CCDC91: variants seen among roughly 807,000 people sequenced by gnomAD.
The protein encoded by CCDC91 is coiled-coil domain containing 91.
CCDC91 carries 48 observed loss-of-function variants against 63.2 expected under a neutral mutation model. The observed-to-expected ratio is 0.76, with a 90% CI of 0.60 to 0.97. The LOEUF is 0.97. Ranked by LOEUF, CCDC91 falls within the 50% of genes least tolerant of loss-of-function variation. CCDC91 has a pLI of 0.00. For synonymous variants in CCDC91, 167 were observed against 165.8 expected, an observed-to-expected ratio of 1.01 and a Z score of -0.06; for missense variants, 500 against 494.6, an observed-to-expected ratio of 1.01 and a Z score of -0.10.
chr12:28,384,948 T>TAAGAC lies in CCDC91; in HGVS notation c.655-6354_655-6350dup, dbSNP rs1444113853. 3.9e-5 allele frequency among the ~76,000 whole-genome samples: 6 copies of TAAGAC among 152,188 alleles called. No homozygotes were observed. In the South Asian group the frequency reaches 1.2e-3, roughly 32 times the overall value. ...TGTTTGCAGTTTTGAGGGGATATGA[T>TAAGAC]AAGACATGCTAACAATTTAATATCC... On this transcript the variant is annotated intron_variant, in intron 7 of 12. Transcript: ENST00000536442.
intron 12 of CCDC91, among the ~76,000 whole-genome samples, chr12:28,501,690 T>C (rs546105758): frequency 0.038 from 5,773 of 151,788 alleles, 354 homozygotes; most frequent in African/African-American, 0.13. Flanking sequence ...TGTCTCTGCC[T>C]GGCTTTGGTA....
chr12:28,262,274 A>C (rs1306378654), intron 3 of CCDC91, among the ~76,000 whole-genome samples: 1 of 152,098 alleles, frequency 6.6e-6, no homozygotes, highest in African/African-American at 2.4e-5. Context: ...TATTTTAAAA[A>C]GACATGATGA....
At chr12:28,380,550 C>T (rs1260060270) in intron 7 of CCDC91, among the ~76,000 whole-genome samples, 1 of 152,070 alleles carries the variant, frequency 6.6e-6, no homozygotes, top group Non-Finnish European at 1.5e-5. Flanking sequence ...ATAACAAATT[C>T]AGGCCACTGT....
chr12:28,517,032 T>A (rs1338066738), intron 12 of CCDC91, among the ~76,000 whole-genome samples: 1 of 151,978 alleles, frequency 6.6e-6, no homozygotes, highest in African/African-American at 2.4e-5. Flanking sequence ...GTCAATACCC[T>A]ATACATTCAG....
intron 11 of CCDC91, among the ~76,000 whole-genome samples, chr12:28,458,945 G>A (rs1467644825): frequency 6.6e-6 from 1 of 151,978 alleles, no homozygotes; most frequent in African/African-American, 2.4e-5. Context: ...CCTCCCTGTA[G>A]CCTATAAGAT....
intron 12 of CCDC91, among the ~76,000 whole-genome samples, chr12:28,497,395 A>C (rs1952362724): frequency 6.6e-6 from 1 of 151,632 alleles, no homozygotes; most frequent in Non-Finnish European, 1.5e-5. Context: ...TTTCCATCTT[A>C]ACTTTGTAAT....
intron 12 of CCDC91, among the ~76,000 whole-genome samples, chr12:28,508,533 A>G (rs1372054599): frequency 1.3e-5 from 2 of 151,904 alleles, no homozygotes; most frequent in South Asian, 2.1e-4. Context: ...GATGCCAATC[A>G]TAATTTTACT....
intron 11 of CCDC91, among the ~76,000 whole-genome samples, chr12:28,456,437 T>TA (rs1327253265): frequency 6.6e-6 from 1 of 152,132 alleles, no homozygotes; most frequent in African/African-American, 2.4e-5. Context: ...TAAGTCAATT[T>TA]ATATGAAATT....
rs575209828 is a variant in CCDC91, at chr12:28,391,255, A to G, written c.655-49A>G. 7 of 1,090,210 alleles carry G rather than the reference A, an allele frequency of 6.4e-6. No individual in the cohort carries two copies. In the African/African-American group the frequency reaches 1.1e-4, roughly 17 times the overall value. The allele number at this position is 1,090,210 out of a possible 1,614,324, so 67.5% of individuals were successfully genotyped here. On this transcript the variant is annotated intron_variant, in intron 7 of 12. Coordinates refer to ENST00000536442, the MANE Select transcript of CCDC91 (RefSeq NM_018318.5). ...AAAAATATTCTCGTGCCAACAGTAG[A>G]TTCCCAAGTTTTGTCTGTGATCCAA...
At chr12:28,198,665 CTT>C (rs750413757) in intron 1 of CCDC91, among the ~76,000 whole-genome samples, 6 of 152,098 alleles carry the variant, frequency 3.9e-5, no homozygotes, top group Non-Finnish European at 8.8e-5. Context: ...AGTTTTATCT[CTT>C]GTTGGTTATG....
intron 3 of CCDC91, among the ~76,000 whole-genome samples, chr12:28,305,053 T>C (rs1483002763): frequency 1.3e-5 from 2 of 152,154 alleles, no homozygotes; most frequent in Non-Finnish European, 1.5e-5. Context: ...GAAAAACCTT[T>C]TGTTTGTTAC....
At chr12:28,402,510 A>C (rs1396793292) in intron 8 of CCDC91, among the ~76,000 whole-genome samples, 1 of 113,434 alleles carries the variant, frequency 8.8e-6, no homozygotes, top group African/African-American at 3.3e-5. Context: ...ATCACTTATT[A>C]GTTCCAGGAA....
At chr12:28,332,524 A>G (rs1003318954) in intron 6 of CCDC91, among the ~76,000 whole-genome samples, 8 of 152,238 alleles carry the variant, frequency 5.3e-5, no homozygotes, top group African/African-American at 1.9e-4. Flanking sequence ...TCATAGGAAT[A>G]AATTAACAAA....
At chr12:28,277,534 A>T (rs941170387) in intron 3 of CCDC91, among the ~76,000 whole-genome samples, 1 of 152,080 alleles carries the variant, frequency 6.6e-6, no homozygotes, top group African/African-American at 2.4e-5. Flanking sequence ...GCAAATGCTT[A>T]TTAGAGAATT....
Position 28,504,433 on chromosome 12 carries a change from C to G in CCDC91, c.1215+20268C>G, listed in dbSNP as rs571723092. ...CCCTGAAATGGGAATTAACCAAGCT[C>G]TAATGGATCAGAGAACACTTCCCAG... On this transcript the variant is annotated intron_variant, in intron 12 of 12. Coordinates refer to ENST00000536442, the MANE Select transcript of CCDC91 (RefSeq NM_018318.5). Among the ~76,000 whole-genome samples the G allele has an allele frequency of 1.2e-4, 19 of 152,022 alleles. No homozygotes were observed. In the South Asian group the frequency reaches 2.9e-3, roughly 23 times the overall value.
chr12:28,522,839 G>T (rs1428765798), intron 12 of CCDC91, among the ~76,000 whole-genome samples: 1 of 152,176 alleles, frequency 6.6e-6, no homozygotes, highest in Non-Finnish European at 1.5e-5. Flanking sequence ...GTACCCAGTA[G>T]TCATTCAGGA....
chr12:28,296,409 T>A (rs1331920279), intron 3 of CCDC91, among the ~76,000 whole-genome samples: 1 of 151,882 alleles, frequency 6.6e-6, no homozygotes, highest in Non-Finnish European at 1.5e-5. Flanking sequence ...GGAGTCTTTG[T>A]TTATAGTATG....
chr12:28,464,321 G>A (rs1165290744), intron 11 of CCDC91, among the ~76,000 whole-genome samples: 4 of 152,192 alleles, frequency 2.6e-5, no homozygotes, highest in African/African-American at 9.7e-5. Context: ...AAAAGCCAGT[G>A]GAATGGCGGT....
chr12:28,388,715 A>G (rs1043211988), intron 7 of CCDC91, among the ~76,000 whole-genome samples: 2 of 152,150 alleles, frequency 1.3e-5, no homozygotes, highest in Non-Finnish European at 2.9e-5. Context: ...AATTTCCATC[A>G]AAATACCACC....
Sources: gnomAD v4.1 joint callset for allele counts (sites outside exome capture counted in the v4.1 genomes callset) on GRCh38, gnomAD v4.1.1 for gene constraint, MANE v1.5 for transcripts, NCBI Gene and HGNC (gene_info 2026-07-23, HGNC 2026-07-21) for gene names.